EFR3A: variants seen among roughly 807,000 people sequenced by gnomAD.
The protein encoded by EFR3A is EFR3 homolog A.
A neutral mutation model predicts 104.4 loss-of-function variants in EFR3A; 76 were observed. The ratio of observed to expected loss-of-function variants is 0.73; its 90% confidence interval spans 0.60 to 0.88. The LOEUF (loss-of-function observed/expected upper bound fraction) is 0.88, where lower values mean the gene tolerates loss of function less well. Ranked by LOEUF, EFR3A falls within the 40% of genes least tolerant of loss-of-function variation. The pLI is 0.00. For synonymous variants in EFR3A, 330 were observed against 330.0 expected, an observed-to-expected ratio of 1.00 and a Z score of 0.00; for missense variants, 985 against 1,012.5, an observed-to-expected ratio of 0.97 and a Z score of 0.37.
At chr8:131,932,731 T>C (rs1817670560) in intron 1 of EFR3A, among the ~76,000 whole-genome samples, 1 of 152,140 alleles carries the variant, frequency 6.6e-6, no homozygotes, top group Non-Finnish European at 1.5e-5. Flanking sequence ...ATAATGACTT[T>C]ACCAATTGTT....
At chr8:132,008,178 C>G (rs1437773284) in intron 22 of EFR3A, among the ~76,000 whole-genome samples, 1 of 151,956 alleles carries the variant, frequency 6.6e-6, no homozygotes, top group East Asian at 1.9e-4. Flanking sequence ...ACAGTATACA[C>G]AATACCAATA....
At chr8:131,986,993 G>A (rs1820920648) in intron 17 of EFR3A, among the ~76,000 whole-genome samples, 3 of 151,968 alleles carry the variant, frequency 2.0e-5, no homozygotes, top group South Asian at 2.1e-4. Flanking sequence ...AGGAAAATCC[G>A]TGTTATTTCC....
intron 12 of EFR3A, among the ~76,000 whole-genome samples, chr8:131,977,347 A>ACCTG (rs1328031269): frequency 6.6e-6 from 1 of 152,148 alleles, no homozygotes; most frequent in Non-Finnish European, 1.5e-5. Context: ...AGACGAAGAT[A>ACCTG]CCTGGGCCCA....
At chr8:131,936,326 G>A (rs1817878660) in intron 1 of EFR3A, among the ~76,000 whole-genome samples, 1 of 152,106 alleles carries the variant, frequency 6.6e-6, no homozygotes, top group African/African-American at 2.4e-5. Context: ...GAACACTTCT[G>A]TGAACAAATG....
chr8:131,913,340 T>C (rs1219058691), intron 1 of EFR3A, among the ~76,000 whole-genome samples: 4 of 152,052 alleles, frequency 2.6e-5, no homozygotes, highest in African/African-American at 9.7e-5. Context: ...GGAACTACTA[T>C]TTTTCTTCTT....
intron 1 of EFR3A, among the ~76,000 whole-genome samples, chr8:131,913,683 G>A (rs1436427520): frequency 2.6e-5 from 4 of 152,120 alleles, no homozygotes; most frequent in African/African-American, 9.7e-5. Flanking sequence ...AATGCTAAGT[G>A]TTCTTCACAT....
chr8:131,929,763 G>A (rs1817493470), intron 1 of EFR3A, among the ~76,000 whole-genome samples: 1 of 151,912 alleles, frequency 6.6e-6, no homozygotes, highest in African/African-American at 2.4e-5. Context: ...TTGTTTTTTG[G>A]TTTTCAGAGG....
intron 1 of EFR3A, among the ~76,000 whole-genome samples, chr8:131,922,061 A>G (rs950926320): frequency 6.6e-6 from 1 of 152,150 alleles, no homozygotes; most frequent in Non-Finnish European, 1.5e-5. Context: ...AGGGAAGAAT[A>G]CTTCTTTGCC....
chr8:132,006,059 C>T (rs550357496), intron 22 of EFR3A, among the ~76,000 whole-genome samples: 34 of 152,170 alleles, frequency 2.2e-4, no homozygotes, highest in African/African-American at 7.9e-4. Context: ...CTGAAAATAC[C>T]TATCAAAGTT....
rs185113591 is a variant in EFR3A, at chr8:131,989,655, C to A, written c.2065+1953C>A. 1.8e-4 allele frequency among the ~76,000 whole-genome samples: 27 copies of A among 152,250 alleles called. 1 individual carries two copies. The highest frequency in any genetic ancestry group is 3.9e-4 in the Admixed American group (6 of 15,270). ...AGATCCAGATTGATTTTTATCATTT[C>A]TTTCTCTAATTTCTACTGAGTGCCT... On this transcript the variant is annotated intron_variant, in intron 18 of 22. Coordinates refer to ENST00000254624, the MANE Select transcript of EFR3A (RefSeq NM_015137.6).
chr8:131,965,392 T>G (rs1049768556), intron 8 of EFR3A, among the ~76,000 whole-genome samples: 9 of 151,804 alleles, frequency 5.9e-5, no homozygotes, highest in African/African-American at 1.7e-4. Flanking sequence ...CATCAACAAG[T>G]GGGTGAAGGA....
rs760412646 is a variant in EFR3A, at chr8:132,002,610, T to C, written c.2214T>C (p.Ser738=). The change falls in exon 21 of 23, where the codon AGT becomes AGC. Residue 738 remains serine (S), a synonymous_variant. Transcript: ENST00000254624. The part of the protein sequence containing the change: ...FEALKKAIDT[S]GMEEQEKEKR... ...TTATAAATATTTGTATAGATACCAG[T>C]GGAATGGAAGAACAGGAAAAGGAAA... The C allele has an allele frequency of 1.9e-6, 3 of 1,612,384 alleles. No homozygotes were observed. The highest frequency in any genetic ancestry group is 2.2e-5 in the South Asian group (2 of 91,014).
At chr8:131,936,619 C>T (rs1817904613) in intron 1 of EFR3A, among the ~76,000 whole-genome samples, 1 of 152,102 alleles carries the variant, frequency 6.6e-6, no homozygotes, top group Admixed American at 6.6e-5. Context: ...AGCTATAAAT[C>T]AGGATTCCCA....
intron 1 of EFR3A, among the ~76,000 whole-genome samples, chr8:131,915,341 A>G (rs1816696490): frequency 6.6e-6 from 1 of 152,128 alleles, no homozygotes; most frequent in South Asian, 2.1e-4. Flanking sequence ...AGATTTTATA[A>G]TCTCTTCTTG....
chr8:131,982,443 A>G (rs1353246100), intron 14 of EFR3A, among the ~76,000 whole-genome samples: 2 of 152,080 alleles, frequency 1.3e-5, no homozygotes, highest in Non-Finnish European at 2.9e-5. Context: ...TGCTCCTAAA[A>G]ACATGCTTGT....
chr8:131,930,038 A>G (rs1277440639), intron 1 of EFR3A, among the ~76,000 whole-genome samples: 4 of 151,928 alleles, frequency 2.6e-5, no homozygotes, highest in African/African-American at 9.7e-5. Context: ...CATTGATTCA[A>G]ACTGCCCTAT....
intron 1 of EFR3A, among the ~76,000 whole-genome samples, chr8:131,907,576 C>G (rs1240198016): frequency 6.6e-6 from 1 of 152,074 alleles, no homozygotes; most frequent in Non-Finnish European, 1.5e-5. Flanking sequence ...GTTTGTTTTT[C>G]TTTTGATGAG....
intron 1 of EFR3A, among the ~76,000 whole-genome samples, chr8:131,912,228 G>A (rs1437839618): frequency 6.6e-6 from 1 of 152,148 alleles, no homozygotes; most frequent in Admixed American, 6.6e-5. Flanking sequence ...CTGAATCCTG[G>A]GTGGGTGTGC....
At position 131,926,869 on chromosome 8, in the gene EFR3A, A is replaced by T. The variant is rs553223227; in HGVS notation, c.11-13630A>T. On this transcript the variant is annotated intron_variant, in intron 1 of 22. Coordinates refer to ENST00000254624, the MANE Select transcript of EFR3A (RefSeq NM_015137.6). ...GTTAGTTTTCATTTTTTATTATAGC[A>T]TTTTGACTATAACTGATTGCAACTT... 1.8e-3 allele frequency among the ~76,000 whole-genome samples: 280 copies of T among 152,264 alleles called. 2 individuals are homozygous for T. Among genetic ancestry groups the T allele is most frequent in the African/African-American group, 6.5e-3 (272 of 41,566 alleles).
Sources: gnomAD v4.1 joint callset for allele counts (sites outside exome capture counted in the v4.1 genomes callset) on GRCh38, gnomAD v4.1.1 for gene constraint, MANE v1.5 for transcripts, NCBI Gene and HGNC (gene_info 2026-07-23, HGNC 2026-07-21) for gene names.